FGF6: variants seen among roughly 807,000 people sequenced by gnomAD.
FGF6 encodes the protein fibroblast growth factor 6.
A neutral mutation model predicts 18.4 loss-of-function variants in FGF6; 14 were observed. The observed-to-expected ratio is 0.76, with a 90% CI of 0.50 to 1.19. The LOEUF is 1.19. FGF6 is among the 50% of genes most tolerant of loss of function. The probability of loss-of-function intolerance (pLI) is 0.00; values close to 1 mark genes in which losing one functional copy is unlikely to be tolerated. For missense variants in FGF6, 266 were observed against 271.6 expected, an observed-to-expected ratio of 0.98 and a Z score of 0.15; for synonymous variants, 125 against 116.7, an observed-to-expected ratio of 1.07 and a Z score of -0.46.
intron 2 of FGF6, among the ~76,000 whole-genome samples, chr12:4,439,460 G>A (rs1865662918): frequency 6.6e-6 from 1 of 152,128 alleles, no homozygotes; most frequent in African/African-American, 2.4e-5. Flanking sequence ...TGAGTGACTT[G>A]GACAAGAAAC....
chr12:4,438,264 A>G (rs544116303), intron 2 of FGF6, among the ~76,000 whole-genome samples: 123 of 152,290 alleles, frequency 8.1e-4, no homozygotes, highest in African/African-American at 2.8e-3. Flanking sequence ...GGGCACAGAA[A>G]CTAGGAATTC....
Position 4,445,528 on chromosome 12 carries a change from C to T in FGF6, c.43G>A (p.Ala15Thr). The change falls in exon 1 of 3, where the codon GCA becomes ACA. Residue 15 changes from alanine to threonine, a missense_variant. Transcript: ENST00000228837. The surrounding 1 kb of genome is among the most constrained non-coding windows in gnomAD (Gnocchi z 5.5). ...QKLFITMSRG[A>T]GRLQGTLWAL... ...CACAGCGTGCCCTGCAGACGTCCTG[C>T]TCCCCGGGACATAGTGATGAACAGT... The T allele has an allele frequency of 6.2e-7, 1 of 1,609,880 alleles. No individual in the cohort carries two copies. Among genetic ancestry groups the T allele is most frequent in the Non-Finnish European group, 8.5e-7 (1 of 1,178,460 alleles).
At position 4,442,278 on chromosome 12, in the gene FGF6, T is replaced by C. The variant is rs577917895; in HGVS notation, c.450+1855A>G. Among the ~76,000 whole-genome samples the C allele has an allele frequency of 2.9e-4, 44 of 152,248 alleles. 1 individual carries two copies. The South Asian group carries it at 9.1e-3, about 32-fold the overall frequency. The stretch of plus-strand genomic sequence containing the variant: ...TTAGGAGTCAGCCTCCTTTCCTTTT[T>C]GCTATTCTGAATGCTCTTCCCCGCT... On this transcript the variant is annotated intron_variant, in intron 2 of 2. Transcript: ENST00000228837.
intron 2 of FGF6, among the ~76,000 whole-genome samples, chr12:4,438,463 A>G (rs1272457248): frequency 6.6e-6 from 1 of 152,152 alleles, no homozygotes; most frequent in African/African-American, 2.4e-5. Flanking sequence ...ACCAAAAACA[A>G]TGTATCTATT....
chr12:4,443,926 A>G (rs1193004004), intron 2 of FGF6, among the ~76,000 whole-genome samples: 4 of 152,216 alleles, frequency 2.6e-5, no homozygotes, highest in African/African-American at 4.8e-5. Flanking sequence ...TGGGAACAGA[A>G]GAAGCACGGG....
In FGF6 at chr12:4,445,466, C is replaced by T; in HGVS notation, c.105G>A (p.Val35=). ...CACGGGTGCCTGCAGGCGAGGGCAC[C>T]ACCATGCCCACTAGGATGCCTAGGA... ...LVFLGILVGM[V]VPSPAGTRAN... The change falls in exon 1 of 3, where the codon GTG becomes GTA. Residue 35 remains valine, a synonymous_variant. Transcript: ENST00000228837. The surrounding 1 kb of genome is among the most constrained non-coding windows in gnomAD (Gnocchi z 5.5). 1 of 1,613,292 alleles carries T rather than the reference C, an allele frequency of 6.2e-7. No individual in the cohort carries two copies.
At chr12:4,435,034 C>T (rs1186534453) in intron 2 of FGF6, among the ~76,000 whole-genome samples, 1 of 151,876 alleles carries the variant, frequency 6.6e-6, no homozygotes, top group Non-Finnish European at 1.5e-5. Context: ...CTTGTGGTTC[C>T]TCAGTCTGTC....
chr12:4,435,876 G>A (rs151102292), intron 2 of FGF6, among the ~76,000 whole-genome samples: 54 of 152,222 alleles, frequency 3.5e-4, no homozygotes, highest in African/African-American at 1.3e-3. Flanking sequence ...AGTATGCGGG[G>A]ATTTCCTGCT....
intron 2 of FGF6, among the ~76,000 whole-genome samples, chr12:4,440,415 C>A (rs541968750): frequency 8.0e-4 from 122 of 152,260 alleles, no homozygotes; most frequent in African/African-American, 2.8e-3. Context: ...ACCGCTGGGG[C>A]CATTTGTCCC....
chr12:4,434,173 A>C lies in FGF6; in HGVS notation c.*42T>G. ...TTCGCTGGTGCAAAATTTCAATCGAACAGATGATGCTTTAAATCTGTGAGC... is the reference window on the plus strand; with the variant it reads ...TTCGCTGGTGCAAAATTTCAATCGACCAGATGATGCTTTAAATCTGTGAGC... On this transcript the variant is annotated 3_prime_UTR_variant, in exon 3 of 3. Coordinates refer to ENST00000228837, the MANE Select transcript of FGF6 (RefSeq NM_020996.3). 6.2e-7 allele frequency: 1 copy of C among 1,603,092 alleles called. No individual in the cohort carries two copies. The highest frequency in any genetic ancestry group is 8.5e-7 in the Non-Finnish European group (1 of 1,171,842).
intron 2 of FGF6, among the ~76,000 whole-genome samples, chr12:4,441,103 G>A (rs1865684915): frequency 6.6e-6 from 1 of 152,208 alleles, no homozygotes; most frequent in African/African-American, 2.4e-5. Flanking sequence ...CTTTTTACTA[G>A]TATATATTTT....
At chr12:4,436,332 A>G (rs1464904630) in intron 2 of FGF6, among the ~76,000 whole-genome samples, 1 of 152,138 alleles carries the variant, frequency 6.6e-6, no homozygotes, top group African/African-American at 2.4e-5. Flanking sequence ...TTTAATAGCG[A>G]CAACATGGCT....
rs539166853 is a variant in FGF6, at chr12:4,443,956, C to T, written c.450+177G>A. Among the ~76,000 whole-genome samples the T allele has an allele frequency of 4.0e-4, 61 of 152,318 alleles. No homozygotes were observed. The South Asian group carries it at 0.012, about 31-fold the overall frequency. On this transcript the variant is annotated intron_variant, in intron 2 of 2. Transcript: ENST00000228837. ...CACGGGCCAGGGCAGAGGACAATCA[C>T]CCGTGAGGCTGAAGAAGCACAAGCT...
At chr12:4,440,601 C>G (rs1160154683) in intron 2 of FGF6, among the ~76,000 whole-genome samples, 1 of 152,234 alleles carries the variant, frequency 6.6e-6, no homozygotes, top group African/African-American at 2.4e-5. Context: ...TTTTCCAACC[C>G]TTTTTCCTAG....
chr12:4,440,156 C>T (rs976202120), intron 2 of FGF6, among the ~76,000 whole-genome samples: 1 of 152,232 alleles, frequency 6.6e-6, no homozygotes, highest in African/African-American at 2.4e-5. Flanking sequence ...CACTGGGTCA[C>T]ATTTCCTGGG....
At chr12:4,444,730 TGGCAGCTTGCA>T (rs1296118074) in intron 1 of FGF6, among the ~76,000 whole-genome samples, 6 of 152,186 alleles carry the variant, frequency 3.9e-5, no homozygotes, top group African/African-American at 7.2e-5. Flanking sequence ...TACAGCAAGC[TGGCAGCTTGCA>T]GGCAGCTTGC....
At position 4,444,113 on chromosome 12, in the gene FGF6, C is replaced by A; in HGVS notation, c.450+20G>T. The A allele has an allele frequency of 2.0e-6, 3 of 1,536,048 alleles. No individual in the cohort carries two copies. The highest frequency in any genetic ancestry group is 2.3e-5 in the South Asian group (2 of 88,592). ...ATCAAGCCTTGTAAACCTGGCACTT[C>A]CCCGGCCTGGTGAACTCACCGTTGC... On this transcript the variant is annotated intron_variant, in intron 2 of 2. Coordinates refer to ENST00000228837, the MANE Select transcript of FGF6 (RefSeq NM_020996.3).
chr12:4,440,270 A>G (rs1865675579), intron 2 of FGF6, among the ~76,000 whole-genome samples: 1 of 152,206 alleles, frequency 6.6e-6, no homozygotes, highest in South Asian at 2.1e-4. Context: ...CATTTCTCAG[A>G]GGAGCAAGCA....
Position 4,445,232 on chromosome 12 carries a change from G to A in FGF6, c.339C>T (p.Asn113=), listed in dbSNP as rs771210347. The A allele has an allele frequency of 2.5e-6, 4 of 1,608,314 alleles. No individual in the cohort carries two copies. The highest frequency in any genetic ancestry group is 2.3e-5 in the East Asian group (1 of 44,406). ...DGRISGTHEE[N]PYSLLEISTV... The stretch of plus-strand genomic sequence containing the variant: ...GCTGCAGCTGGCACTCACTGTAGGG[G>A]TTCTCCTCGTGGGTCCCGCTGATCC... The change falls in exon 1 of 3, where the codon AAC becomes AAT. Residue 113 remains asparagine, a synonymous_variant. Coordinates refer to ENST00000228837, the MANE Select transcript of FGF6 (RefSeq NM_020996.3). The surrounding 1 kb of genome is among the most constrained non-coding windows in gnomAD (Gnocchi z 5.5).
Sources: allele counts gnomAD v4.1 joint callset (sites outside exome capture counted in the v4.1 genomes callset), GRCh38; gene constraint gnomAD v4.1.1; non-coding constraint Gnocchi (gnomAD v3.1); transcripts MANE v1.5; gene names NCBI Gene and HGNC (gene_info 2026-07-23, HGNC 2026-07-21).